The following CNTN4 variants were observed in gnomAD, a reference collection of about 807,000 sequenced individuals.
CNTN4 encodes the protein contactin 4, also known as contactin-4.
Under a neutral mutation model 122.5 loss-of-function variants are expected in CNTN4, and 77 were observed. That is an observed-to-expected ratio of 0.63 (90% confidence interval 0.52 to 0.76). The LOEUF is 0.76. CNTN4 is among the 30% of genes least tolerant of loss of function. The pLI is 0.00. For synonymous variants in CNTN4, 512 were observed against 447.0 expected (o/e 1.15, Z -1.83); for missense variants, 1,256 against 1,259.1 (o/e 1.00, Z 0.04).
intron 16 of CNTN4, among the ~76,000 whole-genome samples, chr3:3,031,625 C>A (rs1391517206): frequency 1.3e-5 from 2 of 152,118 alleles, no homozygotes; most frequent in Admixed American, 1.3e-4. Context: ...ACATTCCAAG[C>A]CTCACCAAAC....
At chr3:2,462,348 C>A (rs2049256819) in intron 3 of CNTN4, among the ~76,000 whole-genome samples, 1 of 151,988 alleles carries the variant, frequency 6.6e-6, no homozygotes. Flanking sequence ...CCAATGGGGG[C>A]TCATTAATTA....
chr3:2,477,714 C>CA (rs1247560692), intron 3 of CNTN4, among the ~76,000 whole-genome samples: 2 of 152,180 alleles, frequency 1.3e-5, no homozygotes, highest in Non-Finnish European at 2.9e-5. Flanking sequence ...GGGGAGAACA[C>CA]AGATGATTTT....
intron 12 of CNTN4, among the ~76,000 whole-genome samples, chr3:2,922,259 T>C (rs1484995983): frequency 2.6e-5 from 4 of 152,196 alleles, no homozygotes; most frequent in Admixed American, 6.5e-5. Flanking sequence ...TTCTGGGGAT[T>C]TACCAATAAC....
chr3:2,863,218 T>A (rs549563143), intron 7 of CNTN4, among the ~76,000 whole-genome samples: 1 of 152,258 alleles, frequency 6.6e-6, no homozygotes, highest in South Asian at 2.1e-4. Context: ...GTGGTGATAT[T>A]TGATCGTGAA....
At chr3:2,347,864 G>A (rs950564330) in intron 3 of CNTN4, among the ~76,000 whole-genome samples, 7 of 150,096 alleles carry the variant, frequency 4.7e-5, no homozygotes, top group Admixed American at 4.0e-4. Flanking sequence ...TTTTTTTTAA[G>A]TCATGTTTTC....
chr3:2,181,924 C>T (rs1230624483), intron 2 of CNTN4, among the ~76,000 whole-genome samples: 1 of 152,044 alleles, frequency 6.6e-6, no homozygotes, highest in Non-Finnish European at 1.5e-5. Context: ...AGGTGGTGAT[C>T]TATATGTCAT....
At chr3:2,698,751 G>A (rs1044453366) in intron 4 of CNTN4, among the ~76,000 whole-genome samples, 1 of 152,166 alleles carries the variant, frequency 6.6e-6, no homozygotes, top group Admixed American at 6.6e-5. Flanking sequence ...GGCAGAGTCT[G>A]TTTTAAGAGC....
chr3:2,646,032 G>T (rs564039258), intron 4 of CNTN4, among the ~76,000 whole-genome samples: 1 of 152,270 alleles, frequency 6.6e-6, no homozygotes, highest in Non-Finnish European at 1.5e-5. Context: ...CCAGAGCTTA[G>T]TATTTGTTTG....
chr3:2,417,334 G>C (rs2047454055), intron 3 of CNTN4, among the ~76,000 whole-genome samples: 1 of 152,114 alleles, frequency 6.6e-6, no homozygotes, highest in Non-Finnish European at 1.5e-5. Flanking sequence ...CTAATGTATT[G>C]AGAACAAGAC....
At chr3:2,236,291 A>G (rs1420369651) in intron 2 of CNTN4, among the ~76,000 whole-genome samples, 1 of 152,194 alleles carries the variant, frequency 6.6e-6, no homozygotes, top group East Asian at 1.9e-4. Flanking sequence ...CAATGAAACC[A>G]CAGGCCACCC....
chr3:2,853,271 G>A (rs2093576560), intron 7 of CNTN4, among the ~76,000 whole-genome samples: 1 of 152,122 alleles, frequency 6.6e-6, no homozygotes, highest in Non-Finnish European at 1.5e-5. Flanking sequence ...TTGAGACGGA[G>A]TCTCACTCTG....
intron 2 of CNTN4, among the ~76,000 whole-genome samples, chr3:2,305,892 G>A (rs2042684909): frequency 6.6e-6 from 1 of 152,112 alleles, no homozygotes; most frequent in Admixed American, 6.6e-5. Context: ...ATTATATGTA[G>A]AGTTTTGTGT....
At chr3:2,721,788 T>C (rs1407916463) in intron 4 of CNTN4, among the ~76,000 whole-genome samples, 1 of 152,180 alleles carries the variant, frequency 6.6e-6, no homozygotes, top group Non-Finnish European at 1.5e-5. Context: ...GTCAACTCTA[T>C]TTGCTATGGT....
chr3:2,358,003 A>G (rs1246588499), intron 3 of CNTN4, among the ~76,000 whole-genome samples: 2 of 152,216 alleles, frequency 1.3e-5, no homozygotes, highest in Non-Finnish European at 2.9e-5. Context: ...GTTTCGTTTT[A>G]TAAACCGTAT....
At chr3:3,053,373 GTAT>G (rs1701461391) in intron 23 of CNTN4, among the ~76,000 whole-genome samples, 2 of 152,186 alleles carry the variant, frequency 1.3e-5, no homozygotes, top group Admixed American at 6.5e-5. Context: ...AGAAGACTGG[GTAT>G]TATTGTCCCC....
intron 4 of CNTN4, among the ~76,000 whole-genome samples, chr3:2,646,501 A>G (rs557291368): frequency 6.6e-6 from 1 of 152,294 alleles, no homozygotes; most frequent in East Asian, 1.9e-4. Context: ...CCCTCAGACT[A>G]TTCCCTGGTG....
chr3:2,902,790 C>T (rs1402408343), intron 11 of CNTN4, 86 bp from the exon 12 acceptor site: 2 of 1,412,570 alleles, frequency 1.4e-6, no homozygotes, highest in African/African-American at 2.8e-5. Context: ...TCCCATTAAG[C>T]TTCCTTGATA....
intron 3 of CNTN4, among the ~76,000 whole-genome samples, chr3:2,373,211 C>T (rs2045696387): frequency 6.6e-6 from 1 of 152,136 alleles, no homozygotes; most frequent in Non-Finnish European, 1.5e-5. Context: ...GACTGTTGTT[C>T]TTTAGTTAAC....
intron 4 of CNTN4, among the ~76,000 whole-genome samples, chr3:2,578,771 G>A (rs1187182154): frequency 2.0e-5 from 3 of 152,072 alleles, no homozygotes; most frequent in Non-Finnish European, 2.9e-5. Flanking sequence ...TTTGCTCTAC[G>A]CTCTCTCATA....
Sources: gnomAD v4.1 joint callset for allele counts (sites outside exome capture counted in the v4.1 genomes callset) on GRCh38, gnomAD v4.1.1 for gene constraint, MANE v1.5 for transcripts, NCBI Gene and HGNC (gene_info 2026-07-23, HGNC 2026-07-21) for gene names.